The following PKD1L1 variants were observed in gnomAD, a reference collection of about 807,000 sequenced individuals.
PKD1L1 encodes polycystin 1 like 1, transient receptor potential channel interacting, also known as polycystin-1-like protein 1.
In PKD1L1, 236 loss-of-function variants were observed where a neutral mutation model predicts 323.4. The observed-to-expected ratio is 0.73, with a 90% confidence interval of 0.66 to 0.81. The LOEUF (loss-of-function observed/expected upper bound fraction) is 0.81, where lower values mean the gene tolerates loss of function less well. Ranked by LOEUF, PKD1L1 falls within the 40% of genes least tolerant of loss-of-function variation. PKD1L1 has a pLI of 0.00. For missense variants in PKD1L1, 3,320 were observed against 3,508.0 expected (o/e 0.95, Z 1.35); for synonymous variants, 1,344 against 1,335.0 (o/e 1.01, Z -0.15).
intron 36 of PKD1L1, 40 bp from the exon 37 acceptor site, chr7:47,837,134 C>G (rs756462045): frequency 6.2e-7 from 1 of 1,603,458 alleles, no homozygotes; most frequent in African/African-American, 1.3e-5. Flanking sequence ...TGACATGGAG[C>G]ATTTCTGTCA....
At chr7:47,857,513 T>C (rs1393305319) in intron 28 of PKD1L1, 92 bp downstream of exon 28, 1 of 1,107,962 alleles carries the variant, frequency 9.0e-7, no homozygotes, top group Non-Finnish European at 1.3e-6. Context: ...GGTGCAAATA[T>C]GCCAACCTAG....
In PKD1L1 at chr7:47,882,087, T is replaced by C; in HGVS notation, c.3266-2A>G. 6.2e-7 allele frequency: 1 copy of C among 1,612,800 alleles called. No homozygotes were observed. Among genetic ancestry groups the C allele is most frequent in the Non-Finnish European group, 8.5e-7 (1 of 1,179,696 alleles). ...ATCCTGGAAAGCTGGTGTCCTTAGC[T>C]AGGAAGATAAACCAAGCCAATAGAT... On this transcript the variant is annotated splice_acceptor_variant, in intron 19 of 56. Transcript: ENST00000289672. LOFTEE classifies it high-confidence loss of function.
intron 4 of PKD1L1, among the ~76,000 whole-genome samples, chr7:47,935,006 C>G (rs77437773): frequency 7.0e-4 from 106 of 152,262 alleles, no homozygotes; most frequent in African/African-American, 2.4e-3. Context: ...CAGAGGGAGA[C>G]CCCACTCTGC....
At chr7:47,799,275 A>G (rs1784610055) in intron 54 of PKD1L1, among the ~76,000 whole-genome samples, 1 of 152,182 alleles carries the variant, frequency 6.6e-6, no homozygotes, top group Non-Finnish European at 1.5e-5. Context: ...GCATTCATGG[A>G]TGAGCAAGAG....
At chr7:47,862,657 C>T (rs541944845) in intron 26 of PKD1L1, among the ~76,000 whole-genome samples, 1 of 152,126 alleles carries the variant, frequency 6.6e-6, no homozygotes, top group Non-Finnish European at 1.5e-5. Flanking sequence ...GGGTCTAGGA[C>T]AATGTCTCTA....
chr7:47,781,367 A>G (rs1786687917), intron 56 of PKD1L1, among the ~76,000 whole-genome samples: 1 of 149,682 alleles, frequency 6.7e-6, no homozygotes, highest in Non-Finnish European at 1.5e-5. Context: ...CTCTCAATAA[A>G]GTCATTTGCA....
At chr7:47,854,854 C>G in intron 30 of PKD1L1, 28 bp downstream of exon 30, 1 of 1,608,218 alleles carries the variant, frequency 6.2e-7, no homozygotes. Flanking sequence ...TTACTCCAAT[C>G]TCATTGTAGC....
rs761658843 is a variant in PKD1L1 at position 47,888,016 on chromosome 7, T to C, written c.2810A>G (p.Asn937Ser). 6.2e-7 allele frequency: 1 copy of C among 1,613,726 alleles called. No homozygotes were observed. Among genetic ancestry groups the C allele is most frequent in the South Asian group, 1.1e-5 (1 of 91,064 alleles). ...TTCTATCCTATTCTTTTCTGTTGCA[T>C]TGACTAAAAAGAGATCCCAGGAATA... ...LSYSWDLFLVNATEKNRIEVP... is the reference protein window; with the variant it reads ...LSYSWDLFLVSATEKNRIEVP... The change falls in exon 17 of 57, where the codon AAT (asparagine) becomes AGT (serine). Residue 937 changes from asparagine to serine, a missense_variant. Physicochemically the swap from Asn to Ser is conservative, Grantham distance 46 (BLOSUM62 1). Transcript: ENST00000289672.
chr7:47,929,522 G>C lies in PKD1L1; in HGVS notation c.742C>G (p.His248Asp). Residue 248 changes from histidine (H) to aspartate (D), a missense_variant, in exon 7 of 57, where the codon CAC becomes GAC. By Grantham distance (81) the His-to-Asp change is moderately conservative (BLOSUM62 -1). Transcript: ENST00000289672. ...CGAGGAATGCCAGGCGGAAGGCCGT[G>C]GGAGCTGTGGGAGAGAGGGAGAGGC... ...SHFPTSPRSS[H>D]GLPPGIPRTP... is the part of the protein sequence containing the mutation. The C allele has an allele frequency of 6.2e-7, 1 of 1,610,728 alleles. No homozygotes were observed. Among genetic ancestry groups the C allele is most frequent in the Non-Finnish European group, 8.5e-7 (1 of 1,177,930 alleles).
chr7:47,954,050 C>A, the PKD1L1 span, among the ~76,000 whole-genome samples: 69,858 of 152,032 alleles, frequency 0.46, 16,792 homozygotes, highest in East Asian at 0.54. Flanking sequence ...ATATATGTAG[C>A]CTCCTTTAAA....
chr7:47,782,710 A>C (rs1786724966), intron 56 of PKD1L1, among the ~76,000 whole-genome samples: 1 of 152,160 alleles, frequency 6.6e-6, no homozygotes, highest in African/African-American at 2.4e-5. Flanking sequence ...AGAAAAGTCT[A>C]CTGGGATAGT....
chr7:47,902,366 A>G lies in PKD1L1; in HGVS notation c.2064+13T>C, dbSNP rs752459383. 1.9e-6 allele frequency: 3 copies of G among 1,612,672 alleles called. No homozygotes were observed. The highest frequency in any genetic ancestry group is 1.7e-6 in the Non-Finnish European group (2 of 1,179,576). On this transcript the variant is annotated intron_variant, in intron 13 of 56. Coordinates refer to ENST00000289672, the MANE Select transcript of PKD1L1 (RefSeq NM_138295.5). ...AAGAGGCTGGTGGAGGATTTCCCAG[A>G]CTCCGAGCCTACCTGGACTTTCCCA...
intron 16 of PKD1L1, among the ~76,000 whole-genome samples, chr7:47,889,911 C>T (rs1347686119): frequency 1.3e-5 from 2 of 152,184 alleles, no homozygotes; most frequent in Admixed American, 1.3e-4. Flanking sequence ...AATGACCCAA[C>T]CCCCTTAGAG....
At chr7:47,926,897 A>G (rs1787665787) in intron 7 of PKD1L1, among the ~76,000 whole-genome samples, 2 of 152,248 alleles carry the variant, frequency 1.3e-5, no homozygotes, top group Admixed American at 1.3e-4. Flanking sequence ...GGAAGCCAGC[A>G]TAGGTAGAGA....
chr7:47,829,989 C>G, intron 43 of PKD1L1, 51 bp downstream of exon 43: 1 of 1,529,010 alleles, frequency 6.5e-7, no homozygotes, highest in South Asian at 1.1e-5. Context: ...CCCTTCCCAT[C>G]TAGGTCCCCT....
At position 47,863,435 on chromosome 7, in the gene PKD1L1, G is replaced by A. The variant is rs1193546374; in HGVS notation, c.4149+1781C>T. Among the ~76,000 whole-genome samples, 10 of 152,090 alleles carry A rather than the reference G, an allele frequency of 6.6e-5. No homozygotes were observed. In the East Asian group the frequency reaches 1.9e-3, roughly 29 times the overall value. On this transcript the variant is annotated intron_variant, in intron 26 of 56. Transcript: ENST00000289672. ...GTGGATGAGATCACACAGGGAGGAG[G>A]TGTGGACAGAGAATCTAGGAGGCCC...
chr7:47,937,309 C>T (rs1363670267), intron 3 of PKD1L1, among the ~76,000 whole-genome samples: 1 of 150,542 alleles, frequency 6.6e-6, no homozygotes, highest in Non-Finnish European at 1.5e-5. Context: ...GAGAAGGCCG[C>T]TGTGTGTGAC....
At chr7:47,889,546 C>G (rs77674892) in intron 16 of PKD1L1, among the ~76,000 whole-genome samples, 8,588 of 152,142 alleles carry the variant, frequency 0.056, 634 homozygotes, top group African/African-American at 0.18. Flanking sequence ...CTTATCCACT[C>G]AGCCTTATTT....
rs748127023 is a variant in PKD1L1, at chr7:47,905,831, A to G, written c.1522+12T>C. The G allele has an allele frequency of 8.7e-6, 14 of 1,610,512 alleles. No individual in the cohort carries two copies. Among genetic ancestry groups the G allele is most frequent in the African/African-American group, 2.7e-5 (2 of 74,672 alleles). The stretch of plus-strand genomic sequence containing the variant: ...GGTTTTTGTTAAATCTGGAATTAAA[A>G]CAAAGACATACATTGCATCTTATAC... On this transcript the variant is annotated intron_variant, in intron 10 of 56. Transcript: ENST00000289672.
Sources: allele counts gnomAD v4.1 joint callset (sites outside exome capture counted in the v4.1 genomes callset), GRCh38; gene constraint gnomAD v4.1.1; transcripts MANE v1.5; gene names NCBI Gene and HGNC (gene_info 2026-07-23, HGNC 2026-07-21).